The following GFOD1 variants were observed in gnomAD, a reference collection of about 807,000 sequenced individuals.
GFOD1 encodes the protein glucose-fructose oxidoreductase domain-containing protein 1.
In GFOD1, 9 loss-of-function variants were observed where a neutral mutation model predicts 25.4. The ratio of observed to expected loss-of-function variants is 0.35; its 90% CI spans 0.21 to 0.62. The LOEUF is 0.62. Ranked by LOEUF, GFOD1 falls within the 20% of genes least tolerant of loss-of-function variation. The pLI is 0.72. For synonymous variants in GFOD1, 253 were observed against 245.6 expected (o/e 1.03, Z -0.28); for missense variants, 403 against 556.9 (o/e 0.72, Z 2.78).
rs953172328 is a variant in GFOD1 at position 13,365,945 on chromosome 6, G to T, written c.254-283C>A. Among the ~76,000 whole-genome samples, 7 of 149,486 alleles carry T rather than the reference G, an allele frequency of 4.7e-5. No homozygotes were observed. The highest frequency in any genetic ancestry group is 1.5e-5 in the Non-Finnish European group (1 of 67,542). On this transcript the variant is annotated intron_variant, in intron 1 of 1. Transcript: ENST00000379287. The surrounding 1 kb of genome is among the most constrained non-coding windows in gnomAD (Gnocchi z 9.2). ...TAATGAGCCGGGCGTGGTGGTGCAC[G>T]CCTGTGGTCCCAGCTACTCAGGAGG...
At chr6:13,411,983 A>C (rs1786085527) in intron 1 of GFOD1, among the ~76,000 whole-genome samples, 1 of 152,224 alleles carries the variant, frequency 6.6e-6, no homozygotes, top group Non-Finnish European at 1.5e-5. Context: ...TCCTTAACTG[A>C]AACATGAGGG....
intron 1 of GFOD1, among the ~76,000 whole-genome samples, chr6:13,474,389 T>C (rs1179512719): frequency 1.3e-5 from 2 of 151,844 alleles, no homozygotes; most frequent in Non-Finnish European, 2.9e-5. Context: ...TGGGAAAAAA[T>C]AAAATAAAAT....
chr6:13,486,247 T>TCCCCCCCC (rs373896526), intron 1 of GFOD1: 27 of 116,328 alleles, frequency 2.3e-4, no homozygotes, highest in Admixed American at 8.8e-4. Context: ...CACCCCCCCA[T>TCCCCCCCC]CCCCCCCCCC....
rs114847843 is a variant in GFOD1, at chr6:13,376,920, A to G, written c.254-11258T>C. ...GTACAGTGGGAAGGCAAGATACTTT[A>G]AACTAGGCAACATCTCAGAATAAAT... is the stretch of plus-strand genomic sequence containing the variant. On this transcript the variant is annotated intron_variant, in intron 1 of 1. Transcript: ENST00000379287. Among the ~76,000 whole-genome samples, 1,092 of 152,338 alleles carry G rather than the reference A, an allele frequency of 7.2e-3. 11 individuals carry two copies. Among genetic ancestry groups the G allele is most frequent in the East Asian group, 0.021 (109 of 5,188 alleles).
intron 1 of GFOD1, among the ~76,000 whole-genome samples, chr6:13,390,377 A>G (rs1785563852): frequency 6.6e-6 from 1 of 151,488 alleles, no homozygotes; most frequent in East Asian, 1.9e-4. Context: ...GATCACTTAA[A>G]CCCAGGAGTT....
chr6:13,374,814 C>T (rs894688856), intron 1 of GFOD1, among the ~76,000 whole-genome samples: 1 of 142,138 alleles, frequency 7.0e-6, no homozygotes, highest in African/African-American at 2.6e-5. Flanking sequence ...GCAATCTCAG[C>T]TTACTGCAAC....
At chr6:13,414,957 C>T (rs764835491) in intron 1 of GFOD1, among the ~76,000 whole-genome samples, 1 of 152,178 alleles carries the variant, frequency 6.6e-6, no homozygotes, top group Non-Finnish European at 1.5e-5. Flanking sequence ...CAGAATGAGG[C>T]CTGCTTTTCC....
chr6:13,406,419 G>A (rs767725966), intron 1 of GFOD1, among the ~76,000 whole-genome samples: 5 of 152,006 alleles, frequency 3.3e-5, no homozygotes, highest in Middle Eastern at 3.2e-3. Context: ...GCCTGCAAGC[G>A]CTCTACAAAT....
At chr6:13,370,045 C>A (rs1057270573) in intron 1 of GFOD1, among the ~76,000 whole-genome samples, 1 of 152,168 alleles carries the variant, frequency 6.6e-6, no homozygotes, top group African/African-American at 2.4e-5. Flanking sequence ...GACAGGAAGA[C>A]CTTTGAAGGA....
At chr6:13,446,836 AC>A (rs1484756008) in intron 1 of GFOD1, among the ~76,000 whole-genome samples, 4 of 152,188 alleles carry the variant, frequency 2.6e-5, no homozygotes, top group Non-Finnish European at 5.9e-5. Context: ...TTCTCCTTTC[AC>A]CAACTGGCAG....
At chr6:13,380,016 A>G (rs1785328638) in intron 1 of GFOD1, among the ~76,000 whole-genome samples, 1 of 152,252 alleles carries the variant, frequency 6.6e-6, no homozygotes, top group Non-Finnish European at 1.5e-5. Flanking sequence ...GAAAGGACAG[A>G]TGGGCACTGT....
chr6:13,391,583 A>G (rs1246710621), intron 1 of GFOD1, among the ~76,000 whole-genome samples: 3 of 151,980 alleles, frequency 2.0e-5, no homozygotes, highest in African/African-American at 7.2e-5. Flanking sequence ...CGTAGAGTCC[A>G]TATCAATTGA....
chr6:13,386,100 T>G (rs1347175496), intron 1 of GFOD1, among the ~76,000 whole-genome samples: 1 of 150,976 alleles, frequency 6.6e-6, no homozygotes, highest in Non-Finnish European at 1.5e-5. Context: ...TTGCTCTTGT[T>G]GCCCAGGCTA....
At chr6:13,420,974 C>T (rs748168648) in intron 1 of GFOD1, among the ~76,000 whole-genome samples, 6 of 152,078 alleles carry the variant, frequency 3.9e-5, no homozygotes, top group South Asian at 2.1e-4. Flanking sequence ...TTTATAGTGG[C>T]GAGGGGGAGC....
chr6:13,391,050 G>C (rs553530710), intron 1 of GFOD1, among the ~76,000 whole-genome samples: 3 of 152,322 alleles, frequency 2.0e-5, no homozygotes, highest in African/African-American at 7.2e-5. Flanking sequence ...TCTGTTGCTT[G>C]AAGTTAGCGT....
rs113948583 is a variant in GFOD1, at chr6:13,434,595, G to A, written c.253+52043C>T. Among the ~76,000 whole-genome samples, 1,080 of 152,296 alleles carry A rather than the reference G, an allele frequency of 7.1e-3. 9 individuals carry two copies. Among genetic ancestry groups the A allele is most frequent in the African/African-American group, 0.025 (1,033 of 41,542 alleles). On this transcript the variant is annotated intron_variant, in intron 1 of 1. Transcript: ENST00000379287. ...CTTTATGGGAATACAGAAGTCAAGTGCAGGGCATTATAAGAACACAAAAGT... is the reference window on the plus strand; with the variant it reads ...CTTTATGGGAATACAGAAGTCAAGTACAGGGCATTATAAGAACACAAAAGT...
chr6:13,373,860 C>G (rs1785198194), intron 1 of GFOD1, among the ~76,000 whole-genome samples: 2 of 151,630 alleles, frequency 1.3e-5, no homozygotes, highest in Admixed American at 1.3e-4. Context: ...TCACTCTTCC[C>G]TCTGTCCCTT....
At chr6:13,475,806 C>G (rs2127578532) in intron 1 of GFOD1, among the ~76,000 whole-genome samples, 1 of 151,574 alleles carries the variant, frequency 6.6e-6, no homozygotes, top group East Asian at 1.9e-4. Flanking sequence ...CACCCGTAAT[C>G]CCAGCTACTT....
At chr6:13,466,915 C>T (rs1758388553) in intron 1 of GFOD1, among the ~76,000 whole-genome samples, 1 of 152,122 alleles carries the variant, frequency 6.6e-6, no homozygotes, top group Non-Finnish European at 1.5e-5. Context: ...TGCACACACA[C>T]CCATGGGCAC....
Sources: gnomAD v4.1 joint callset for allele counts (sites outside exome capture counted in the v4.1 genomes callset) on GRCh38, gnomAD v4.1.1 for gene constraint, Gnocchi (gnomAD v3.1) non-coding constraint, MANE v1.5 for transcripts, NCBI Gene and HGNC (gene_info 2026-07-23, HGNC 2026-07-21) for gene names.